Variants in PCDHGB1 observed in about 807,000 individuals in gnomAD.
PCDHGB1 encodes protocadherin gamma-B1.
Under a neutral mutation model 56.6 loss-of-function variants are expected in PCDHGB1, and 34 were observed. That is an observed-to-expected ratio of 0.60 (90% confidence interval 0.46 to 0.80). PCDHGB1 has a LOEUF of 0.80. Among genes scored for constraint, PCDHGB1 ranks in the 30% least tolerant of loss-of-function variants. PCDHGB1 has a pLI of 0.00. For missense variants in PCDHGB1, 1,278 were observed against 1,204.6 expected (o/e 1.06, Z -0.90); for synonymous variants, 561 against 505.9 (o/e 1.11, Z -1.46).
At chr5:141,366,170 C>T in intron 1 of PCDHGB1, 1 of 1,614,082 alleles carries the variant, frequency 6.2e-7, no homozygotes, top group Non-Finnish European at 8.5e-7. Flanking sequence ...GGCCAGCGAG[C>T]CAGGACTCTT....
At chr5:141,361,540 G>T (rs748594092) in intron 1 of PCDHGB1, 1 of 1,614,018 alleles carries the variant, frequency 6.2e-7, no homozygotes, top group Non-Finnish European at 8.5e-7. Context: ...TCCTCCTGGC[G>T]CCTCTATCGC....
chr5:141,427,978 T>C (rs750753961), intron 1 of PCDHGB1: 1 of 1,595,484 alleles, frequency 6.3e-7, no homozygotes, highest in African/African-American at 1.3e-5. Flanking sequence ...TACCCCGCGC[T>C]GGGGCCCGAT....
rs1342087495 is a variant in PCDHGB1 at position 141,365,076 on chromosome 5, T to C, written c.2409+12407T>C. 1.9e-6 allele frequency: 3 copies of C among 1,613,740 alleles called. No individual in the cohort carries two copies. In the African/African-American group the frequency reaches 4.0e-5, roughly 22 times the overall value. On this transcript the variant is annotated intron_variant, in intron 1 of 3. Transcript: ENST00000523390. ...CTGTTCACCCCATCCGAGTACAGCG[T>C]GAGTGTTCCAGAGAACATACCTGTG...
At chr5:141,409,576 G>C (rs1238671221) in intron 1 of PCDHGB1, 52 of 1,613,806 alleles carry the variant, frequency 3.2e-5, no homozygotes, top group Non-Finnish European at 4.2e-5. Flanking sequence ...CGTCCTACGT[G>C]GTCCACGTGG....
intron 1 of PCDHGB1, chr5:141,357,799 A>G: frequency 1.3e-6 from 1 of 798,378 alleles, no homozygotes; most frequent in Non-Finnish European, 1.9e-6. Context: ...CCACACAAAA[A>G]TGTTGTTTAT....
chr5:141,360,990 C>A lies in PCDHGB1; in HGVS notation c.2409+8321C>A. On this transcript the variant is annotated intron_variant, in intron 1 of 3. Transcript: ENST00000523390. ...TCACCTACTCCTTTCATAATGTGGA[C>A]GAACAAGTGAAACACTTTTTCAACT... 1.2e-6 allele frequency: 2 copies of A among 1,613,454 alleles called. No individual in the cohort carries two copies. The highest frequency in any genetic ancestry group is 1.3e-5 in the African/African-American group (1 of 75,006).
intron 1 of PCDHGB1, chr5:141,398,266 G>A: frequency 1.4e-6 from 2 of 1,439,368 alleles, no homozygotes; most frequent in Non-Finnish European, 1.9e-6. Flanking sequence ...GGGCTCCGTA[G>A]TGGGGAACCT....
intron 1 of PCDHGB1, chr5:141,378,729 T>A (rs769149282): frequency 6.6e-6 from 1 of 152,216 alleles, no homozygotes; most frequent in East Asian, 1.9e-4. Flanking sequence ...GAACTCTTTA[T>A]TGAAATATTT....
intron 1 of PCDHGB1, among the ~76,000 whole-genome samples, chr5:141,429,664 ATTATT>A (rs2097234085): frequency 6.6e-6 from 1 of 152,214 alleles, no homozygotes; most frequent in Non-Finnish European, 1.5e-5. Context: ...TTTAAAATAT[ATTATT>A]TTATTTTATG....
chr5:141,489,247 C>T lies in PCDHGB1; in HGVS notation c.2410-5560C>T. 6.5e-7 allele frequency: 1 copy of T among 1,546,012 alleles called. No individual in the cohort carries two copies. The highest frequency in any genetic ancestry group is 8.7e-7 in the Non-Finnish European group (1 of 1,146,298). ...ACAAAGGGACTTCTGGGTCATGGGGCCCAAGACACTCCCACAGCTCGCTGG... is the reference window on the plus strand; with the variant it reads ...ACAAAGGGACTTCTGGGTCATGGGGTCCAAGACACTCCCACAGCTCGCTGG... On this transcript the variant is annotated intron_variant, in intron 1 of 3. Coordinates refer to ENST00000523390, the MANE Select transcript of PCDHGB1 (RefSeq NM_018922.3). This position sits in a 1 kb window ranked among gnomAD's most constrained non-coding sequence, Gnocchi z 4.5.
rs771341809 is a variant in PCDHGB1 at position 141,404,607 on chromosome 5, T to C, written c.2409+51938T>C. 5 of 1,613,938 alleles carry C rather than the reference T, an allele frequency of 3.1e-6. No homozygotes were observed. The African/African-American group carries it at 6.7e-5, about 22-fold the overall frequency. ...AGCAATGTGTCATTGAGACTGTTTG[T>C]TTTGGACCAGAATGACAATGCCCCA... On this transcript the variant is annotated intron_variant, in intron 1 of 3. Coordinates refer to ENST00000523390, the MANE Select transcript of PCDHGB1 (RefSeq NM_018922.3).
At chr5:141,389,861 C>T in intron 1 of PCDHGB1, 1 of 1,614,062 alleles carries the variant, frequency 6.2e-7, no homozygotes, top group South Asian at 1.1e-5. Context: ...CCACGTTGCA[C>T]CTGGTCTTCG....
At chr5:141,374,737 C>A in intron 1 of PCDHGB1, 2 of 1,610,672 alleles carry the variant, frequency 1.2e-6, no homozygotes, top group Non-Finnish European at 1.7e-6. Context: ...TGGATGGCGG[C>A]GACCCTGTCC....
chr5:141,397,438 G>A (rs1330293325), intron 1 of PCDHGB1, among the ~76,000 whole-genome samples: 5 of 152,140 alleles, frequency 3.3e-5, no homozygotes, highest in Admixed American at 2.6e-4. Context: ...CCTAATATGT[G>A]TAATATAAAA....
intron 1 of PCDHGB1, among the ~76,000 whole-genome samples, chr5:141,469,923 G>A (rs1251812588): frequency 1.3e-5 from 2 of 152,200 alleles, no homozygotes; most frequent in Non-Finnish European, 2.9e-5. Flanking sequence ...CCGAGGTCAG[G>A]AGTTTGAGAC....
chr5:141,383,928 T>C (rs543603315), intron 1 of PCDHGB1: 20 of 1,613,902 alleles, frequency 1.2e-5, no homozygotes, highest in Admixed American at 1.7e-5. Flanking sequence ...TAAATGATAA[T>C]GCTCCAGAAG....
chr5:141,408,144 G>A (rs868032463), intron 1 of PCDHGB1: 1 of 1,496,186 alleles, frequency 6.7e-7, no homozygotes, highest in Non-Finnish European at 8.9e-7. Flanking sequence ...CTTTTAGCGC[G>A]GTAGAGTGCA....
rs777568111 is a variant in PCDHGB1 at position 141,404,292 on chromosome 5, A to G, written c.2409+51623A>G. On this transcript the variant is annotated intron_variant, in intron 1 of 3. Coordinates refer to ENST00000523390, the MANE Select transcript of PCDHGB1 (RefSeq NM_018922.3). ...ACCCTGCAAGTGACTGACATCAATG[A>G]TAATCCACCTGCTTTCTCTCAAGCC... 2.5e-6 allele frequency: 4 copies of G among 1,613,864 alleles called. No homozygotes were observed. Among genetic ancestry groups the G allele is most frequent in the South Asian group, 1.1e-5 (1 of 91,082 alleles).
At chr5:141,404,752 G>A (rs774409689) in intron 1 of PCDHGB1, 1 of 1,614,010 alleles carries the variant, frequency 6.2e-7, no homozygotes, top group Non-Finnish European at 8.5e-7. Context: ...ACTCAGGCCA[G>A]AATGCTTGGC....
Sources: gnomAD v4.1 joint callset for allele counts (sites outside exome capture counted in the v4.1 genomes callset) on GRCh38, gnomAD v4.1.1 for gene constraint, Gnocchi (gnomAD v3.1) non-coding constraint, MANE v1.5 for transcripts, NCBI Gene and HGNC (gene_info 2026-07-23, HGNC 2026-07-21) for gene names.